TTN: variants seen among roughly 807,000 people sequenced by gnomAD.
The protein encoded by TTN is connectin.
Under a neutral mutation model 3,223.0 loss-of-function variants are expected in TTN, and 1,525 were observed. The ratio of observed to expected loss-of-function variants is 0.47; its 90% confidence interval spans 0.45 to 0.49. The LOEUF is 0.49. Ranked by LOEUF, TTN falls within the 20% of genes least tolerant of loss-of-function variation. The pLI, the probability that TTN is intolerant of heterozygous loss-of-function variation, is 0.00. For synonymous variants in TTN, 14,094 were observed against 15,161.0 expected, an observed-to-expected ratio of 0.93 and a Z score of 5.17; for missense variants, 40,786 against 43,424.0, an observed-to-expected ratio of 0.94 and a Z score of 5.40.
chr2:178,607,989 C>T lies in TTN; in HGVS notation c.52798G>A (p.Glu17600Lys), dbSNP rs745629273. ...TTATCAACAAAATAGCCAACAATTT[C>T]CCCACCACCATTGAAAGCTGGGGGT... Reference protein sequence around the residue: ...WEPPAFNGGGEIVGYFVDKQL... With the variant: ...WEPPAFNGGGKIVGYFVDKQL... The change falls in exon 276 of 363, where the codon GAA (glutamate) becomes AAA (lysine). Residue 17600 changes from glutamate (E) to lysine (K), a missense_variant. Glu to Lys is a moderately conservative substitution (Grantham distance 56, BLOSUM62 1). Transcript: ENST00000589042. 3 of 1,612,940 alleles carry T rather than the reference C, an allele frequency of 1.9e-6. No individual in the cohort carries two copies. Among genetic ancestry groups the T allele is most frequent in the Non-Finnish European group, 1.7e-6 (2 of 1,179,334 alleles).
chr2:178,561,233 A>G lies in TTN; in HGVS notation c.84899T>C (p.Leu28300Pro), dbSNP rs1703551325. ...ERRELPDGRW[L>P]KCNYTNIQET... is the part of the protein sequence containing the mutation. ...TTGTATATTAGTATAATTGCACTTC[A>G]GCCACCGGCCATCTGGTAGTTCTCT... is the stretch of plus-strand genomic sequence containing the variant. Residue 28300 changes from leucine to proline, a missense_variant, in exon 326 of 363, where the codon CTG becomes CCG. Physicochemically the swap from Leu to Pro is moderately conservative, Grantham distance 98. Transcript: ENST00000589042. 1 of 1,613,562 alleles carries G rather than the reference A, an allele frequency of 6.2e-7. No homozygotes were observed. Among genetic ancestry groups the G allele is most frequent in the African/African-American group, 1.3e-5 (1 of 74,906 alleles).
Position 178,599,274 on chromosome 2 carries a change from T to G in TTN, c.56519A>C (p.Lys18840Thr), listed in dbSNP as rs757205392. 6.3e-7 allele frequency: 1 copy of G among 1,596,990 alleles called. No homozygotes were observed. Among genetic ancestry groups the G allele is most frequent in the Non-Finnish European group, 8.5e-7 (1 of 1,174,316 alleles). Residue 18840 changes from lysine to threonine, a missense_variant, in exon 290 of 363, where the codon AAG becomes ACG. Coordinates refer to ENST00000589042, the MANE Select transcript of TTN (RefSeq NM_001267550.2). ...TTTGGGAATCGTGTACGTGCACTCCTTAGGTTCACTGGAGACATGGACCCA... is the reference window on the plus strand; with the variant it reads ...TTTGGGAATCGTGTACGTGCACTCCGTAGGTTCACTGGAGACATGGACCCA... ...KTWVHVSSEP[K>T]ECTYTIPKLL...
Position 178,723,137 on chromosome 2 carries a change from C to G in TTN, c.21870G>C (p.Leu7290=), listed in dbSNP as rs2078707088. Reference sequence around the variant, plus strand: ...GCCCTGCATCTCTTTTTGTGCTATTCAGAATTTCCAGGATACAAGTTTTCT... The same window carrying G: ...GCCCTGCATCTCTTTTTGTGCTATTGAGAATTTCCAGGATACAAGTTTTCT... ...TTEKTCILEI[L]NSTKRDAGQY... Residue 7290 remains leucine (L), a synonymous_variant, in exon 75 of 363, where the codon CTG becomes CTC. Coordinates refer to ENST00000589042, the MANE Select transcript of TTN (RefSeq NM_001267550.2). The G allele has an allele frequency of 6.2e-7, 1 of 1,613,380 alleles. No individual in the cohort carries two copies. The highest frequency in any genetic ancestry group is 1.3e-5 in the African/African-American group (1 of 74,882).
In TTN at chr2:178,704,368, T is replaced by C; in HGVS notation, c.30002A>G (p.Lys10001Arg). 4 of 1,613,940 alleles carry C rather than the reference T, an allele frequency of 2.5e-6. No homozygotes were observed. Among genetic ancestry groups the C allele is most frequent in the Non-Finnish European group, 3.4e-6 (4 of 1,179,804 alleles). The stretch of plus-strand genomic sequence containing the variant: ...TGTCATGGTGCAAGTCTGGCCTTCT[T>C]TCAGAGTCACATCCTGAAGATGCCG... ...WERHLQDVTL[K>R]EGQTCTMTCQ... is the part of the protein sequence containing the mutation. The change falls in exon 106 of 363, where the codon AAA becomes AGA. Residue 10001 changes from lysine to arginine, a missense_variant. Coordinates refer to ENST00000589042, the MANE Select transcript of TTN (RefSeq NM_001267550.2).
chr2:178,794,288 C>T, intron 8 of TTN, 111 bp downstream of exon 8: 1 of 1,525,400 alleles, frequency 6.6e-7, no homozygotes, highest in South Asian at 1.1e-5. Context: ...TCAAGGCTGT[C>T]TTCAGAATGA....
At position 178,632,971 on chromosome 2, in the gene TTN, T is replaced by A. The variant is rs749959242; in HGVS notation, c.43160A>T (p.Glu14387Val). ...GGCATTAGCAGCCTGGAAGGAAACC[T>A]CTCCTGTCATACCCAGCTGACAGTT... ...LHNCQLGMTG[E>V]VSFQAANAKS... Residue 14387 changes from glutamate to valine, a missense_variant, in exon 234 of 363, where the codon GAG becomes GTG. Physicochemically the swap from Glu to Val is moderately radical, Grantham distance 121 (BLOSUM62 -2). Transcript: ENST00000589042. The A allele has an allele frequency of 1.9e-6, 3 of 1,613,226 alleles. No individual in the cohort carries two copies. The highest frequency in any genetic ancestry group is 2.5e-6 in the Non-Finnish European group (3 of 1,179,428).
chr2:178,622,635 T>C, intron 243 of TTN, 35 bp downstream of exon 243: 1 of 1,532,700 alleles, frequency 6.5e-7, no homozygotes, highest in South Asian at 1.2e-5. Flanking sequence ...TAAAGTTATT[T>C]GACAGTACAA....
intron 210 of TTN, 130 bp from the exon 211 acceptor site, chr2:178,650,024 G>T: frequency 7.7e-7 from 1 of 1,293,642 alleles, no homozygotes; most frequent in Non-Finnish European, 1.1e-6. Flanking sequence ...AAAGTTTTAT[G>T]TGTAGAAATA....
Position 178,531,479 on chromosome 2 carries a change from C to T in TTN, c.105136G>A (p.Glu35046Lys), listed in dbSNP as rs540500017. 1 of 1,613,926 alleles carries T rather than the reference C, an allele frequency of 6.2e-7. No individual in the cohort carries two copies. Among genetic ancestry groups the T allele is most frequent in the South Asian group, 1.1e-5 (1 of 91,088 alleles). ...YTTYASQRRD[E>K]EVPRSVFPEL... is the part of the protein sequence containing the mutation. ...GGGAAAACAGATCTGGGGACCTCTT[C>T]ATCTCTGCGTTGGGAAGCATAGGTG... The change falls in exon 358 of 363, where the codon GAA becomes AAA. Residue 35046 changes from glutamate (E) to lysine (K), a missense_variant. Coordinates refer to ENST00000589042, the MANE Select transcript of TTN (RefSeq NM_001267550.2).
In TTN at chr2:178,595,873, G is replaced by GT. The variant is rs1484787347; in HGVS notation, c.57545-65dup. 1.0e-5 allele frequency: 15 copies of GT among 1,441,892 alleles called. No individual in the cohort carries two copies. The Admixed American group carries it at 2.3e-4, about 22-fold the overall frequency. 89.3% of individuals were successfully genotyped at this position (1,441,892 alleles called of 1,614,324 possible). On this transcript the variant is annotated intron_variant, in intron 294 of 362. Transcript: ENST00000589042. The stretch of plus-strand genomic sequence containing the variant: ...CAATGAAAGATAATGCTCAACACTT[G>GT]TTTTTTTAAAAGGAGACAAAAATGT...
In TTN at chr2:178,574,176, C is replaced by T. The variant is rs754373279; in HGVS notation, c.71956G>A (p.Val23986Ile). ...GCAGCATCTTCTGTTAGGCCACTGA[C>T]TGTAAATTCATTCTCCAAAATGTTG... is the stretch of plus-strand genomic sequence containing the variant. ...FSNILENEFT[V>I]SGLTEDAAYE... The change falls in exon 326 of 363, where the codon GTC becomes ATC. Residue 23986 changes from valine to isoleucine, a missense_variant. By Grantham distance (29) the Val-to-Ile change is conservative. Transcript: ENST00000589042. 17 of 1,613,552 alleles carry T rather than the reference C, an allele frequency of 1.1e-5. No individual in the cohort carries two copies. In the Middle Eastern group the frequency reaches 2.5e-3, roughly 235 times the overall value.
chr2:178,583,675 G>A lies in TTN; in HGVS notation c.65507C>T (p.Ala21836Val). ...EKAQYQFRAI[A>V]RTAVNISPPS... Reference sequence around the variant, plus strand: ...TGGGCTAATGTTTACCGCGGTCCTGGCAATAGCTCTAAATTGATACTGAGC... The same window carrying A: ...TGGGCTAATGTTTACCGCGGTCCTGACAATAGCTCTAAATTGATACTGAGC... Residue 21836 changes from alanine to valine, a missense_variant, in exon 312 of 363, where the codon GCC becomes GTC. By Grantham distance (64) the Ala-to-Val change is moderately conservative (BLOSUM62 0). Coordinates refer to ENST00000589042, the MANE Select transcript of TTN (RefSeq NM_001267550.2). 1 of 1,612,130 alleles carries A rather than the reference G, an allele frequency of 6.2e-7. No individual in the cohort carries two copies. The highest frequency in any genetic ancestry group is 8.5e-7 in the Non-Finnish European group (1 of 1,179,080).
chr2:178,583,551 A>C, intron 312 of TTN, 56 bp downstream of exon 312: 2 of 1,443,756 alleles, frequency 1.4e-6, no homozygotes, highest in Non-Finnish European at 1.8e-6. Flanking sequence ...TATTAGGAAA[A>C]ATGACCATCA....
chr2:178,594,201 T>C lies in TTN; in HGVS notation c.58192A>G (p.Ile19398Val), dbSNP rs375724247. The C allele has an allele frequency of 1.9e-6, 3 of 1,613,230 alleles. No individual in the cohort carries two copies. Among genetic ancestry groups the C allele is most frequent in the African/African-American group, 2.7e-5 (2 of 74,906 alleles). ...LHLDFRDKLT[I>V]RVGEAFALTG... is the part of the protein sequence containing the mutation. ...AGGGCAAAAGCTTCACCAACTCGAA[T>C]CGTGAGCTTATCTCTGAAGTCGAGG... is the stretch of plus-strand genomic sequence containing the variant. Residue 19398 changes from isoleucine to valine, a missense_variant, in exon 297 of 363, where the codon ATT becomes GTT. By Grantham distance (29) the Ile-to-Val change is conservative. Coordinates refer to ENST00000589042, the MANE Select transcript of TTN (RefSeq NM_001267550.2).
chr2:178,542,999 AAT>A, intron 347 of TTN, 50 bp from the exon 348 acceptor site: 3 of 1,539,022 alleles, frequency 1.9e-6, no homozygotes, highest in Non-Finnish European at 2.6e-6. Flanking sequence ...TTTTATGGTA[AAT>A]TGTTACGAAT....
rs865894632 is a variant in TTN at position 178,651,943 on chromosome 2, G to A, written c.39320C>T (p.Ala13107Val). The A allele has an allele frequency of 6.2e-7, 1 of 1,610,212 alleles. No homozygotes were observed. Among genetic ancestry groups the A allele is most frequent in the Non-Finnish European group, 8.5e-7 (1 of 1,178,236 alleles). ...AACTTCAGCAGGAGGCTCTTCTAGG[G>A]CAACTTCCTCAGGCTCCTCGAACAC... The part of the protein sequence containing the change: ...PEVFEEPEEV[A>V]LEEPPAEVVE... Residue 13107 changes from alanine to valine, a missense_variant, in exon 205 of 363, where the codon GCC (alanine) becomes GTC (valine). Coordinates refer to ENST00000589042, the MANE Select transcript of TTN (RefSeq NM_001267550.2).
At chr2:178,744,913 C>T (rs959917020) in intron 47 of TTN, 6 of 985,138 alleles carry the variant, frequency 6.1e-6, no homozygotes, top group African/African-American at 1.7e-5. Context: ...CCACAAAGAG[C>T]ACAATTGGTC....
At position 178,546,782 on chromosome 2, in the gene TTN, C is replaced by T. The variant is rs1697358835; in HGVS notation, c.94646G>A (p.Ser31549Asn). The change falls in exon 341 of 363, where the codon AGT becomes AAT. Residue 31549 changes from serine (S) to asparagine (N), a missense_variant. Transcript: ENST00000589042. The stretch of plus-strand genomic sequence containing the variant: ...CAGCCAGCGACCATCTCCTACCTCA[C>T]TGACTGGCTTACGCTCTATGATGTA... Reference protein sequence around the residue: ...VGYIIERKPVSEVGDGRWLKC... With the variant: ...VGYIIERKPVNEVGDGRWLKC... 6.2e-7 allele frequency: 1 copy of T among 1,613,760 alleles called. No individual in the cohort carries two copies. The highest frequency in any genetic ancestry group is 8.5e-7 in the Non-Finnish European group (1 of 1,179,744).
intron 13 of TTN, 129 bp downstream of exon 13, chr2:178,789,231 G>T: frequency 8.0e-7 from 1 of 1,255,190 alleles, no homozygotes. Context: ...AATAAATTTG[G>T]TTAATAGTGA....
Sources: gnomAD v4.1 joint callset for allele counts on GRCh38, gnomAD v4.1.1 for gene constraint, MANE v1.5 for transcripts, NCBI Gene and HGNC (gene_info 2026-07-23, HGNC 2026-07-21) for gene names.